FRMD4A: variants seen among roughly 807,000 people sequenced by gnomAD.
FRMD4A encodes FERM domain-containing protein 4A.
FRMD4A carries 29 observed loss-of-function variants against 129.1 expected under a neutral mutation model. The observed-to-expected ratio is 0.22, with a 90% confidence interval of 0.17 to 0.31. The LOEUF (loss-of-function observed/expected upper bound fraction) is 0.31. Ranked by LOEUF, FRMD4A falls within the 10% of genes least tolerant of loss-of-function variation. FRMD4A has a pLI of 1.00. For synonymous variants in FRMD4A, 634 were observed against 571.6 expected (o/e 1.11, Z -1.56); for missense variants, 1,272 against 1,375.8 (o/e 0.92, Z 1.19).
At chr10:14,137,958 C>A (rs1839631815) in intron 2 of FRMD4A, among the ~76,000 whole-genome samples, 1 of 152,200 alleles carries the variant, frequency 6.6e-6, no homozygotes, top group East Asian at 1.9e-4. Context: ...CAGAGCTGCT[C>A]TGCAATCACC....
At chr10:14,298,826 G>A (rs970620712) in intron 2 of FRMD4A, among the ~76,000 whole-genome samples, 2 of 152,178 alleles carry the variant, frequency 1.3e-5, no homozygotes, top group Non-Finnish European at 2.9e-5. Flanking sequence ...GAGTAGGGGA[G>A]GAGGACACTC....
chr10:14,259,686 C>A (rs568942006), intron 2 of FRMD4A, among the ~76,000 whole-genome samples: 2 of 151,842 alleles, frequency 1.3e-5, no homozygotes, highest in South Asian at 4.2e-4. Context: ...AAATGTTTGA[C>A]TTCACTTCAT....
At chr10:14,168,828 A>G (rs995184555) in intron 2 of FRMD4A, among the ~76,000 whole-genome samples, 5 of 152,234 alleles carry the variant, frequency 3.3e-5, no homozygotes, top group African/African-American at 1.2e-4. Context: ...CCTAGTAAGT[A>G]TCAGAGCTAG....
intron 8 of FRMD4A, among the ~76,000 whole-genome samples, chr10:13,748,966 G>A (rs2091431075): frequency 6.6e-6 from 1 of 152,182 alleles, no homozygotes; most frequent in Non-Finnish European, 1.5e-5. Flanking sequence ...GCTTAGGTTT[G>A]GAAGATGCTT....
At chr10:14,130,310 G>C (rs1490500318) in intron 2 of FRMD4A, among the ~76,000 whole-genome samples, 1 of 152,026 alleles carries the variant, frequency 6.6e-6, no homozygotes, top group Non-Finnish European at 1.5e-5. Context: ...GCCCAGGCTG[G>C]AGTGCAGTGG....
intron 2 of FRMD4A, among the ~76,000 whole-genome samples, chr10:14,284,444 C>G (rs376098739): frequency 2.2e-4 from 34 of 152,256 alleles, no homozygotes; most frequent in East Asian, 3.9e-4. Flanking sequence ...ATCAGGACAT[C>G]AAGACCGTCC....
intron 2 of FRMD4A, among the ~76,000 whole-genome samples, chr10:14,266,119 G>C (rs765121722): frequency 6.7e-6 from 1 of 150,328 alleles, no homozygotes; most frequent in African/African-American, 2.4e-5. Flanking sequence ...TCCCAACCTC[G>C]GCACTGCTGA....
intron 2 of FRMD4A, among the ~76,000 whole-genome samples, chr10:14,023,581 T>A (rs754307428): frequency 3.9e-5 from 6 of 152,162 alleles, no homozygotes; most frequent in Non-Finnish European, 7.3e-5. Context: ...TATTTCACAG[T>A]CTTGCAGTTC....
chr10:14,291,413 G>A (rs1357614817), intron 2 of FRMD4A, among the ~76,000 whole-genome samples: 3 of 151,918 alleles, frequency 2.0e-5, no homozygotes, highest in Non-Finnish European at 2.9e-5. Context: ...TCTGACCCAG[G>A]GTCCAGATCT....
At chr10:14,055,825 G>A (rs1588881832) in intron 2 of FRMD4A, among the ~76,000 whole-genome samples, 2 of 152,190 alleles carry the variant, frequency 1.3e-5, no homozygotes, top group South Asian at 4.1e-4. Flanking sequence ...TATCTTTAGT[G>A]TTATAAACAA....
At chr10:13,786,115 A>C (rs1157487454) in intron 5 of FRMD4A, among the ~76,000 whole-genome samples, 1 of 152,200 alleles carries the variant, frequency 6.6e-6, no homozygotes, top group African/African-American at 2.4e-5. Flanking sequence ...AGCATGATTT[A>C]TAATCCTTCA....
intron 2 of FRMD4A, among the ~76,000 whole-genome samples, chr10:13,884,212 A>ACACT (rs1564971820): frequency 1.2e-5 from 1 of 84,930 alleles, no homozygotes; most frequent in African/African-American, 4.3e-5. Context: ...ACACACTCAC[A>ACACT]CACACACACA....
intron 9 of FRMD4A, among the ~76,000 whole-genome samples, chr10:13,744,003 G>T (rs2091155700): frequency 1.3e-5 from 2 of 152,138 alleles, no homozygotes; most frequent in African/African-American, 4.8e-5. Context: ...AAAGGCAAAT[G>T]ATCAAAGCTG....
chr10:14,327,200 A>G (rs1241194046), intron 2 of FRMD4A, among the ~76,000 whole-genome samples: 2 of 152,210 alleles, frequency 1.3e-5, no homozygotes. Flanking sequence ...TAGACTCCTG[A>G]TGGCAGAGTA....
At position 13,795,247 on chromosome 10, in the gene FRMD4A, T is replaced by G. The variant is rs374057337; in HGVS notation, c.299+1249A>C. Among the ~76,000 whole-genome samples the G allele has an allele frequency of 7.8e-4, 119 of 152,346 alleles. 1 individual carries two copies. The Middle Eastern group carries it at 0.01, about 13-fold the overall frequency. ...TTACTATTTGCTTTATATGGTTGCTTTGCCATAAATCTGAGAAACTGTATA... is the reference window on the plus strand; with the variant it reads ...TTACTATTTGCTTTATATGGTTGCTGTGCCATAAATCTGAGAAACTGTATA... On this transcript the variant is annotated intron_variant, in intron 5 of 24. Transcript: ENST00000357447.
At chr10:13,892,203 C>G (rs74121769) in intron 2 of FRMD4A, among the ~76,000 whole-genome samples, 1,834 of 152,260 alleles carry the variant, frequency 0.012, 34 homozygotes, top group African/African-American at 0.04. Context: ...CTGGCTCCCC[C>G]ACAAAACCCA....
chr10:14,176,655 A>G (rs924138910), intron 2 of FRMD4A, among the ~76,000 whole-genome samples: 1 of 151,838 alleles, frequency 6.6e-6, no homozygotes, highest in African/African-American at 2.4e-5. Flanking sequence ...TTGTATTTTT[A>G]GTAGAGATGG....
intron 2 of FRMD4A, among the ~76,000 whole-genome samples, chr10:14,057,350 T>A (rs1834583446): frequency 6.6e-6 from 1 of 152,184 alleles, no homozygotes; most frequent in Admixed American, 6.5e-5. Flanking sequence ...GAATATAGTA[T>A]CTTCACACAT....
At position 13,962,038 on chromosome 10, in the gene FRMD4A, CGAATGAAT is replaced by C. The variant is rs57314404; in HGVS notation, c.46-103134_46-103127del. On this transcript the variant is annotated intron_variant, in intron 2 of 24. Transcript: ENST00000357447. The stretch of plus-strand genomic sequence containing the variant: ...TGTTAGATAAATGAACAAAAACACA[CGAATGAAT>C]GAATGAATGAATGAATGAATGAATG... Among the ~76,000 whole-genome samples the C allele has an allele frequency of 7.0e-3, 895 of 128,502 alleles. 6 individuals carry two copies. The highest frequency in any genetic ancestry group is 0.018 in the African/African-American group (631 of 34,906). The allele number at this position is 128,502 out of a possible 152,430, so 84.3% of individuals were successfully genotyped here. A position where few individuals can be genotyped will look rare whatever the true frequency, so the allele number is the denominator to read the frequency against.
Sources: allele counts gnomAD v4.1 joint callset (sites outside exome capture counted in the v4.1 genomes callset), GRCh38; gene constraint gnomAD v4.1.1; transcripts MANE v1.5; gene names NCBI Gene and HGNC (gene_info 2026-07-23, HGNC 2026-07-21).